Variants in SLC8A1 observed in about 807,000 individuals in gnomAD.
The protein encoded by SLC8A1 is sodium/calcium exchanger 1.
A neutral mutation model predicts 68.3 loss-of-function variants in SLC8A1; 18 were observed. The observed-to-expected ratio is 0.26, with a 90% CI of 0.18 to 0.39. The LOEUF (loss-of-function observed/expected upper bound fraction) is 0.39. SLC8A1 is among the 10% of genes least tolerant of loss of function. SLC8A1 has a pLI of 1.00. For synonymous variants in SLC8A1, 475 were observed against 415.5 expected (o/e 1.14, Z -1.74); for missense variants, 985 against 1,156.7 (o/e 0.85, Z 2.15).
chr2:40,426,822 T>C (rs1055380301), intron 2 of SLC8A1, among the ~76,000 whole-genome samples: 1 of 151,984 alleles, frequency 6.6e-6, no homozygotes, highest in Non-Finnish European at 1.5e-5. Context: ...AAGGGTTCAA[T>C]AATTGAAATG....
upstream of SLC8A1, among the ~76,000 whole-genome samples, chr2:40,454,052 G>C (rs545966307): frequency 6.6e-6 from 1 of 152,318 alleles, no homozygotes; most frequent in East Asian, 1.9e-4. Flanking sequence ...AGAATGACCT[G>C]TGGGGAGAGA....
chr2:40,228,219 C>T (rs1000628543), intron 2 of SLC8A1, among the ~76,000 whole-genome samples: 1 of 152,164 alleles, frequency 6.6e-6, no homozygotes, highest in Non-Finnish European at 1.5e-5. Context: ...CAAGCTTTGA[C>T]ATCATATACA....
At chr2:40,386,495 T>A (rs1048948467) in intron 2 of SLC8A1, among the ~76,000 whole-genome samples, 2 of 147,694 alleles carry the variant, frequency 1.4e-5, no homozygotes, top group Non-Finnish European at 3.0e-5. Context: ...AGCCTAAAGC[T>A]ATTTTAGATC....
chr2:40,271,945 C>T (rs2066091342), intron 2 of SLC8A1, among the ~76,000 whole-genome samples: 1 of 152,128 alleles, frequency 6.6e-6, no homozygotes, highest in African/African-American at 2.4e-5. Flanking sequence ...TAGCTCACTG[C>T]AGCCTCGATG....
At chr2:40,449,252 T>C (rs1372020629) in intron 1 of SLC8A1, among the ~76,000 whole-genome samples, 1 of 152,004 alleles carries the variant, frequency 6.6e-6, no homozygotes, top group Non-Finnish European at 1.5e-5. Context: ...ATGAGCTAAA[T>C]GAATGCCTTG....
chr2:40,101,756 G>A (rs763405191), exon 8 of SLC8A1: 6 of 152,072 alleles, frequency 3.9e-5, no homozygotes, highest in Non-Finnish European at 8.8e-5. Context: ...TCAGAATGCT[G>A]TGTCATAGAT....
At chr2:40,250,901 A>G (rs771355945) in intron 2 of SLC8A1, 3 of 152,186 alleles carry the variant, frequency 2.0e-5, no homozygotes, top group South Asian at 2.1e-4. Context: ...GGATCACAAT[A>G]CTAAGGAGGG....
chr2:40,222,420 A>G (rs2058453933), intron 2 of SLC8A1, among the ~76,000 whole-genome samples: 1 of 152,194 alleles, frequency 6.6e-6, no homozygotes, highest in African/African-American at 2.4e-5. Flanking sequence ...AACCATAAAA[A>G]CCCTAGAAGA....
intron 2 of SLC8A1, among the ~76,000 whole-genome samples, chr2:40,325,957 C>T (rs2075779378): frequency 6.6e-6 from 1 of 151,960 alleles, no homozygotes. Flanking sequence ...ACTGCTGGGC[C>T]TCCATAATGT....
intron 1 of SLC8A1, among the ~76,000 whole-genome samples, chr2:40,511,836 C>T (rs1706747362): frequency 1.3e-5 from 2 of 152,108 alleles, no homozygotes; most frequent in South Asian, 4.1e-4. Flanking sequence ...CTCCGAACTG[C>T]TGAGAAATAT....
chr2:40,384,563 C>T lies in SLC8A1; in HGVS notation c.1808+43910G>A, dbSNP rs9679618. Among the ~76,000 whole-genome samples, 729 of 152,138 alleles carry T rather than the reference C, an allele frequency of 4.8e-3. 7 individuals carry two copies. The highest frequency in any genetic ancestry group is 0.016 in the African/African-American group (644 of 41,514). On this transcript the variant is annotated intron_variant, in intron 2 of 7. Transcript: ENST00000406785. ...AATTCTTCTATAAATAAGAAATGGA[C>T]TCACTTGGCCATCATTGCACCACCT... is the stretch of plus-strand genomic sequence containing the variant.
chr2:40,129,946 T>C (rs908801589), intron 7 of SLC8A1, among the ~76,000 whole-genome samples: 7 of 152,182 alleles, frequency 4.6e-5, no homozygotes, highest in African/African-American at 1.4e-4. Flanking sequence ...GGACTTCAGA[T>C]TGGGCAGGAC....
chr2:40,352,392 A>G (rs1321578157), intron 2 of SLC8A1, among the ~76,000 whole-genome samples: 1 of 152,138 alleles, frequency 6.6e-6, no homozygotes, highest in Non-Finnish European at 1.5e-5. Context: ...TGGTTACCTT[A>G]TGCTTCCCGT....
chr2:40,307,363 G>T (rs982656767), intron 2 of SLC8A1, among the ~76,000 whole-genome samples: 1 of 152,078 alleles, frequency 6.6e-6, no homozygotes, highest in African/African-American at 2.4e-5. Flanking sequence ...AAAGCAAAAT[G>T]GTAGTTATCA....
chr2:40,375,221 A>C (rs1371978118), intron 2 of SLC8A1, among the ~76,000 whole-genome samples: 1 of 152,126 alleles, frequency 6.6e-6, no homozygotes, highest in East Asian at 1.9e-4. Context: ...CAACAAACAA[A>C]AAATAGAAAC....
exon 8 of SLC8A1, chr2:40,108,332 A>G (rs940163337): frequency 6.6e-6 from 1 of 152,186 alleles, no homozygotes; most frequent in African/African-American, 2.4e-5. Flanking sequence ...TGTATGCCCA[A>G]CTTTGATTTT....
intron 6 of SLC8A1, among the ~76,000 whole-genome samples, chr2:40,149,325 A>T (rs941742049): frequency 5.3e-5 from 8 of 152,206 alleles, no homozygotes; most frequent in African/African-American, 1.9e-4. Flanking sequence ...ATCTCATAGA[A>T]TTTCCATTCT....
intron 2 of SLC8A1, among the ~76,000 whole-genome samples, chr2:40,247,113 T>C (rs1372895256): frequency 6.6e-6 from 1 of 152,166 alleles, no homozygotes; most frequent in Non-Finnish European, 1.5e-5. Flanking sequence ...TTTGGCCATT[T>C]TCCTGGGCAG....
chr2:40,114,576 A>T (rs2034997441), exon 8 of SLC8A1: 1 of 152,760 alleles, frequency 6.5e-6, no homozygotes, highest in Non-Finnish European at 1.5e-5. Flanking sequence ...ACTGCCAGGT[A>T]TCACATGTTT....
Sources: allele counts gnomAD v4.1 joint callset (sites outside exome capture counted in the v4.1 genomes callset), GRCh38; gene constraint gnomAD v4.1.1; transcripts MANE v1.5; gene names NCBI Gene and HGNC (gene_info 2026-07-23, HGNC 2026-07-21).